The following DOCK7 variants were observed in gnomAD, a reference collection of about 807,000 sequenced individuals.
DOCK7 encodes dedicator of cytokinesis 7.
DOCK7 carries 138 observed loss-of-function variants against 271.0 expected under a neutral mutation model. The ratio of observed to expected loss-of-function variants is 0.51; its 90% confidence interval spans 0.44 to 0.59. The LOEUF (loss-of-function observed/expected upper bound fraction) is 0.59. Ranked by LOEUF, DOCK7 falls within the 20% of genes least tolerant of loss-of-function variation. The pLI is 0.00. For missense variants in DOCK7, 2,066 were observed against 2,592.4 expected, an observed-to-expected ratio of 0.80 and a Z score of 4.41; for synonymous variants, 823 against 876.1, an observed-to-expected ratio of 0.94 and a Z score of 1.07.
chr1:62,473,735 C>T (rs1208537413), intron 48 of DOCK7, among the ~76,000 whole-genome samples: 1 of 152,064 alleles, frequency 6.6e-6, no homozygotes, highest in Non-Finnish European at 1.5e-5. Context: ...AGGCGCACAA[C>T]CTACACTTGG....
chr1:62,680,753 A>T (rs1661030275), intron 1 of DOCK7, among the ~76,000 whole-genome samples: 1 of 151,868 alleles, frequency 6.6e-6, no homozygotes, highest in African/African-American at 2.4e-5. Context: ...TCAAAAGAAG[A>T]CATTTATGCA....
In DOCK7 at chr1:62,456,401, T is replaced by C. The variant is rs570703431; in HGVS notation, c.6381-945A>G. Reference sequence around the variant, plus strand: ...ATTATCAGTTGGTTTCTTTTACTTATCCTTCGTGCCATTAAGGTTAAGCCA... The same window carrying C: ...ATTATCAGTTGGTTTCTTTTACTTACCCTTCGTGCCATTAAGGTTAAGCCA... On this transcript the variant is annotated intron_variant, in intron 49 of 49. Transcript: ENST00000635253. 3.9e-5 allele frequency among the ~76,000 whole-genome samples: 6 copies of C among 152,184 alleles called. No homozygotes were observed. In the East Asian group the frequency reaches 9.6e-4, roughly 24 times the overall value.
intron 48 of DOCK7, among the ~76,000 whole-genome samples, chr1:62,463,071 G>C (rs1167995): frequency 0.98 from 149,520 of 152,236 alleles, 73,487 homozygotes; most frequent in Middle Eastern, 1. Context: ...GTGATATTAA[G>C]AAATGATAAA....
intron 1 of DOCK7, 126 bp downstream of exon 1, chr1:62,688,101 C>G: frequency 1.8e-6 from 2 of 1,141,750 alleles, no homozygotes; most frequent in Non-Finnish European, 2.2e-6. Context: ...CGCCCCGCCG[C>G]GAGCCAGGCC....
At chr1:62,565,135 T>C (rs1000093340) in intron 18 of DOCK7, among the ~76,000 whole-genome samples, 2 of 152,104 alleles carry the variant, frequency 1.3e-5, no homozygotes, top group African/African-American at 4.8e-5. Flanking sequence ...GAAAAGCTGG[T>C]ACCATTCCTT....
At chr1:62,577,430 T>C (rs1444565734) in intron 17 of DOCK7, 67 bp from the exon 18 acceptor site, 2 of 1,249,838 alleles carry the variant, frequency 1.6e-6, no homozygotes, top group Non-Finnish European at 2.2e-6. Flanking sequence ...ACTTAGCATG[T>C]TTTAAGAACT....
At chr1:62,504,222 C>A (rs577037844) in intron 37 of DOCK7, among the ~76,000 whole-genome samples, 1 of 151,674 alleles carries the variant, frequency 6.6e-6, no homozygotes, top group Admixed American at 6.6e-5. Context: ...ATATTTGACT[C>A]AAAAAGGAAA....
intron 37 of DOCK7, among the ~76,000 whole-genome samples, chr1:62,504,121 T>C (rs575631498): frequency 6.6e-6 from 1 of 151,160 alleles, no homozygotes; most frequent in Admixed American, 6.6e-5. Flanking sequence ...ACAACATTAC[T>C]AAATATCAGA....
intron 16 of DOCK7, among the ~76,000 whole-genome samples, chr1:62,582,096 T>C (rs1337062672): frequency 6.6e-6 from 1 of 152,072 alleles, no homozygotes; most frequent in African/African-American, 2.4e-5. Context: ...CAAATCAGTA[T>C]AGAGAATTTG....
At chr1:62,504,399 C>G (rs1646880490) in intron 37 of DOCK7, among the ~76,000 whole-genome samples, 1 of 152,214 alleles carries the variant, frequency 6.6e-6, no homozygotes, top group South Asian at 2.1e-4. Context: ...CATTTATATT[C>G]TAAGTCTGTA....
intron 28 of DOCK7, among the ~76,000 whole-genome samples, chr1:62,536,829 C>T (rs554081172): frequency 1.7e-4 from 26 of 152,196 alleles, no homozygotes; most frequent in Admixed American, 1.3e-3. Flanking sequence ...TACAGTAGAA[C>T]GAGTATTTCA....
At chr1:62,506,808 G>A (rs796830491) in intron 35 of DOCK7, among the ~76,000 whole-genome samples, 19 of 150,948 alleles carry the variant, frequency 1.3e-4, no homozygotes, top group East Asian at 6.2e-4. Flanking sequence ...TCAGCTGGGC[G>A]TGGTGGCGCA....
chr1:62,542,456 T>C lies in DOCK7; in HGVS notation c.3045+152A>G, dbSNP rs1464673878. On this transcript the variant is annotated intron_variant, in intron 25 of 49. Coordinates refer to ENST00000635253, the MANE Select transcript of DOCK7 (RefSeq NM_001367561.1). ...GTGTTGAGTGTCCACAGTGTTTATTTAGAGATGTAACACATGTAATTTTGT... is the reference window on the plus strand; with the variant it reads ...GTGTTGAGTGTCCACAGTGTTTATTCAGAGATGTAACACATGTAATTTTGT... The C allele has an allele frequency of 1.4e-5, 9 of 631,058 alleles. No individual in the cohort carries two copies. In the East Asian group the frequency reaches 2.3e-4, roughly 16 times the overall value. The allele number at this position is 631,058 out of a possible 1,614,324, so 39.1% of individuals were successfully genotyped here.
intron 10 of DOCK7, among the ~76,000 whole-genome samples, chr1:62,632,503 ATTTTCTGGG>A (rs1240631345): frequency 2.0e-5 from 3 of 152,140 alleles, no homozygotes; most frequent in African/African-American, 7.2e-5. Context: ...ATAGCAAAAC[ATTTTCTGGG>A]TTTGGGTTGC....
At chr1:62,584,145 T>C (rs903446740) in intron 15 of DOCK7, 22 of 982,036 alleles carry the variant, frequency 2.2e-5, no homozygotes, top group Admixed American at 6.1e-5. Context: ...AAGAGATTAA[T>C]TGGCATCATC....
chr1:62,484,631 T>C (rs1032073934), intron 43 of DOCK7: 1 of 152,164 alleles, frequency 6.6e-6, no homozygotes, highest in Non-Finnish European at 1.5e-5. Flanking sequence ...TGGGAGTACA[T>C]ATGCACAACA....
intron 18 of DOCK7, 114 bp downstream of exon 18, chr1:62,577,148 T>G: frequency 1.9e-6 from 1 of 519,472 alleles, no homozygotes; most frequent in Non-Finnish European, 3.1e-6. Flanking sequence ...TTTTCCTTCA[T>G]TATCTATAAA....
chr1:62,483,306 C>G (rs1462815558), intron 43 of DOCK7: 1 of 147,840 alleles, frequency 6.8e-6, no homozygotes, highest in East Asian at 2.0e-4. Context: ...GTTGGGATTA[C>G]AGGTGTCAGC....
At chr1:62,661,733 T>C (rs971316760) in intron 2 of DOCK7, among the ~76,000 whole-genome samples, 7 of 152,074 alleles carry the variant, frequency 4.6e-5, no homozygotes, top group African/African-American at 1.4e-4. Flanking sequence ...AAGAAGGCCA[T>C]AAAGATAAGA....
Sources: gnomAD v4.1 joint callset for allele counts (sites outside exome capture counted in the v4.1 genomes callset) on GRCh38, gnomAD v4.1.1 for gene constraint, MANE v1.5 for transcripts, NCBI Gene and HGNC (gene_info 2026-07-23, HGNC 2026-07-21) for gene names.